Variants in ARHGEF11 observed in about 807,000 individuals in gnomAD.
ARHGEF11 encodes the protein Rho guanine nucleotide exchange factor 11.
Under a neutral mutation model 193.7 loss-of-function variants are expected in ARHGEF11, and 55 were observed. The observed-to-expected ratio is 0.28, with a 90% CI of 0.23 to 0.36. ARHGEF11 has a LOEUF of 0.36. Ranked by LOEUF, ARHGEF11 falls within the 10% of genes least tolerant of loss-of-function variation. The pLI is 1.00. For synonymous variants in ARHGEF11, 693 were observed against 768.0 expected (o/e 0.90, Z 1.62); for missense variants, 1,723 against 2,005.6 (o/e 0.86, Z 2.69).
At chr1:157,008,298 G>C (rs868006358) in intron 1 of ARHGEF11, among the ~76,000 whole-genome samples, 10 of 152,154 alleles carry the variant, frequency 6.6e-5, no homozygotes, top group Middle Eastern at 3.4e-3. Flanking sequence ...GGCATTTGGA[G>C]ATGGGGCCTT....
chr1:157,039,514 C>A (rs549627402), intron 1 of ARHGEF11, among the ~76,000 whole-genome samples: 2 of 152,146 alleles, frequency 1.3e-5, no homozygotes, highest in South Asian at 4.1e-4. Flanking sequence ...ATACTTTTTT[C>A]TTTTTGAGAC....
chr1:156,963,519 C>A lies in ARHGEF11; in HGVS notation c.1038+1G>T. ...AAAGGAGAAAACTAGGAAACCGTTA[C>A]CTCGTTGTTGAAATAACCCGGGTCA... is the stretch of plus-strand genomic sequence containing the variant. On this transcript the variant is annotated splice_donor_variant, in intron 12 of 40. Coordinates refer to ENST00000368194, the MANE Select transcript of ARHGEF11 (RefSeq NM_198236.3). LOFTEE classifies it high-confidence loss of function. 6.2e-7 allele frequency: 1 copy of A among 1,613,206 alleles called. No homozygotes were observed. Among genetic ancestry groups the A allele is most frequent in the South Asian group, 1.1e-5 (1 of 90,898 alleles).
chr1:156,949,139 C>T (rs1658686357), intron 22 of ARHGEF11: 1 of 983,564 alleles, frequency 1.0e-6, no homozygotes, highest in African/African-American at 1.7e-5. Flanking sequence ...TCCTAAGATT[C>T]CATTTCCTCT....
chr1:156,959,943 C>CCCCCAA (rs1553204878), intron 15 of ARHGEF11, among the ~76,000 whole-genome samples: 5 of 97,100 alleles, frequency 5.1e-5, no homozygotes, highest in African/African-American at 1.6e-4. Flanking sequence ...CCCCCCCCCC[C>CCCCCAA]AAAAAAAACA....
At chr1:156,960,744 A>C (rs79056867) in intron 14 of ARHGEF11, among the ~76,000 whole-genome samples, 2,166 of 152,266 alleles carry the variant, frequency 0.014, 55 homozygotes, top group African/African-American at 0.05. Context: ...ATGGGATGGC[A>C]TGTTGTCCAA....
chr1:156,995,838 C>T (rs186545666), intron 1 of ARHGEF11, among the ~76,000 whole-genome samples: 2 of 152,030 alleles, frequency 1.3e-5, no homozygotes, highest in Non-Finnish European at 2.9e-5. Flanking sequence ...CCACTGTGCC[C>T]GGCCGGTTTG....
intron 15 of ARHGEF11, among the ~76,000 whole-genome samples, chr1:156,960,187 T>C (rs1484578940): frequency 1.3e-5 from 2 of 152,036 alleles, no homozygotes; most frequent in Non-Finnish European, 2.9e-5. Flanking sequence ...TGTCTTCCCA[T>C]GACAAGCTCC....
intron 1 of ARHGEF11, among the ~76,000 whole-genome samples, chr1:157,016,550 CTGT>C (rs1189069825): frequency 6.6e-6 from 1 of 152,046 alleles, no homozygotes; most frequent in Admixed American, 6.6e-5. Flanking sequence ...TTATTTTTCT[CTGT>C]TGTTAGGTTG....
At chr1:157,007,974 G>C (rs1668053697) in intron 1 of ARHGEF11, among the ~76,000 whole-genome samples, 2 of 127,360 alleles carry the variant, frequency 1.6e-5, no homozygotes, top group African/African-American at 6.0e-5. Flanking sequence ...AAACAGTTCA[G>C]TTCCTGGAAC....
chr1:156,957,235 C>T (rs1431592022), intron 18 of ARHGEF11, among the ~76,000 whole-genome samples: 1 of 152,180 alleles, frequency 6.6e-6, no homozygotes, highest in Middle Eastern at 3.2e-3. Flanking sequence ...CTTAAACAGA[C>T]TCCTAACCCC....
At chr1:156,938,723 C>G in intron 37 of ARHGEF11, 1 of 510,660 alleles carries the variant, frequency 2.0e-6, no homozygotes, top group Non-Finnish European at 3.5e-6. Flanking sequence ...GAAGGAAGGT[C>G]AGTTCCCAGA....
chr1:156,941,587 A>G (rs2275200), intron 34 of ARHGEF11, among the ~76,000 whole-genome samples, 154 bp from the exon 35 acceptor site: 31,881 of 152,116 alleles, frequency 0.21, 3,542 homozygotes, highest in East Asian at 0.32. Flanking sequence ...GGGGGCTGCT[A>G]GCTGAGCTTC....
chr1:156,948,429 T>TCGAGAC lies in ARHGEF11; in HGVS notation c.1989_1994dup (p.Ser664_Arg665dup). 1 of 1,614,206 alleles carries TCGAGAC rather than the reference T, an allele frequency of 6.2e-7. No individual in the cohort carries two copies. The highest frequency in any genetic ancestry group is 1.1e-5 in the South Asian group (1 of 91,078). ...GAGAGCGGGGCACGTTCTCTGCCTT[T>TCGAGAC]CGAGACCGTTTCATCTCTTCCCGGC... On this transcript the variant is annotated inframe_insertion, in exon 23 of 41. Coordinates refer to ENST00000368194, the MANE Select transcript of ARHGEF11 (RefSeq NM_198236.3). This position sits in a 1 kb window ranked among gnomAD's most constrained non-coding sequence, Gnocchi z 4.2.
At chr1:157,003,335 C>G (rs1667425342) in intron 1 of ARHGEF11, among the ~76,000 whole-genome samples, 1 of 152,222 alleles carries the variant, frequency 6.6e-6, no homozygotes, top group Non-Finnish European at 1.5e-5. Flanking sequence ...GCCATAGATA[C>G]ATCCTTAACT....
chr1:156,966,410 A>G (rs1268585803), intron 11 of ARHGEF11, among the ~76,000 whole-genome samples: 2 of 152,218 alleles, frequency 1.3e-5, no homozygotes, highest in Admixed American at 1.3e-4. Flanking sequence ...ACATGTGATG[A>G]ATTCTGTTAT....
In ARHGEF11 at chr1:157,027,339, G is replaced by A. The variant is rs557213154; in HGVS notation, c.32+16960C>T. The stretch of plus-strand genomic sequence containing the variant: ...TGCAGTGAGCCAAGATCAAGATCAC[G>A]CCACTGCACTCCAGTCTGGGTGACA... On this transcript the variant is annotated intron_variant, in intron 1 of 40. Coordinates refer to ENST00000368194, the MANE Select transcript of ARHGEF11 (RefSeq NM_198236.3). Among the ~76,000 whole-genome samples, 19 of 152,256 alleles carry A rather than the reference G, an allele frequency of 1.2e-4. 1 individual carries two copies. The South Asian group carries it at 3.9e-3, about 32-fold the overall frequency.
At chr1:156,955,195 C>T (rs547822641) in intron 20 of ARHGEF11, among the ~76,000 whole-genome samples, 21 of 152,108 alleles carry the variant, frequency 1.4e-4, no homozygotes, top group East Asian at 1.9e-4. Context: ...AAATGACACA[C>T]GCTGGGAAGA....
chr1:157,034,231 C>A (rs944845509), intron 1 of ARHGEF11, among the ~76,000 whole-genome samples: 1 of 152,198 alleles, frequency 6.6e-6, no homozygotes, highest in Admixed American at 6.5e-5. Context: ...GCCACCTCCC[C>A]CCAGAACAAC....
chr1:157,003,835 C>T (rs35500087), intron 1 of ARHGEF11, among the ~76,000 whole-genome samples: 1 of 152,192 alleles, frequency 6.6e-6, no homozygotes, highest in Non-Finnish European at 1.5e-5. Context: ...CCCACGTTCC[C>T]TTAGCTATAG....
Sources: gnomAD v4.1 joint callset for allele counts (sites outside exome capture counted in the v4.1 genomes callset) on GRCh38, gnomAD v4.1.1 for gene constraint, Gnocchi (gnomAD v3.1) non-coding constraint, MANE v1.5 for transcripts, NCBI Gene and HGNC (gene_info 2026-07-23, HGNC 2026-07-21) for gene names.